Variants in DACH2 observed in about 807,000 individuals in gnomAD.
The protein encoded by DACH2 is dachshund family transcription factor 2.
In DACH2, 17 loss-of-function variants were observed where a neutral mutation model predicts 35.8. The ratio of observed to expected loss-of-function variants is 0.48; its 90% CI spans 0.33 to 0.71. The LOEUF (loss-of-function observed/expected upper bound fraction) is 0.71. Among genes scored for constraint, DACH2 ranks in the 30% least tolerant of loss-of-function variants. DACH2 has a pLI of 0.02. For synonymous variants in DACH2, 195 were observed against 177.3 expected (o/e 1.10, Z -0.79); for missense variants, 469 against 472.7 (o/e 0.99, Z 0.07).
intron 3 of DACH2, among the ~76,000 whole-genome samples, chrX:86,535,549 A>G (rs2038785867): frequency 9.0e-6 from 1 of 110,785 alleles, no homozygotes; most frequent in Non-Finnish European, 1.9e-5. Context: ...TAAAACAGAG[A>G]TCTTAAGACT....
intron 1 of DACH2, among the ~76,000 whole-genome samples, chrX:86,293,961 A>T (rs930871050): frequency 7.2e-5 from 8 of 111,230 alleles, no homozygotes; most frequent in Admixed American, 1.9e-4. Context: ...CTGAATCTGA[A>T]TGTTAGCCTG....
chrX:86,673,114 T>C (rs993055903), intron 4 of DACH2, among the ~76,000 whole-genome samples: 2 of 110,486 alleles, frequency 1.8e-5, no homozygotes, highest in Admixed American at 1.9e-4. Flanking sequence ...GGCGGGTGGA[T>C]CACGAGGTCA....
chrX:86,300,467 G>T (rs1429662386), intron 1 of DACH2, among the ~76,000 whole-genome samples: 2 of 108,165 alleles, frequency 1.8e-5, no homozygotes, highest in Non-Finnish European at 3.8e-5. Flanking sequence ...ACTCATAGGT[G>T]GGAATTGAAC....
intron 2 of DACH2, among the ~76,000 whole-genome samples, chrX:86,380,347 T>A (rs1352371349): frequency 9.0e-6 from 1 of 110,502 alleles, no homozygotes; most frequent in Non-Finnish European, 1.9e-5. Context: ...AAAGCTCATA[T>A]GCTTTGGGCC....
At chrX:86,815,205 C>T (rs2042434994) in intron 10 of DACH2, among the ~76,000 whole-genome samples, 2 of 111,621 alleles carry the variant, frequency 1.8e-5, no homozygotes, top group Admixed American at 9.6e-5. Flanking sequence ...ATTAGCTATA[C>T]AATGCTTGTT....
chrX:86,317,258 A>T (rs972758203), intron 1 of DACH2, among the ~76,000 whole-genome samples: 2 of 111,608 alleles, frequency 1.8e-5, no homozygotes, highest in Non-Finnish European at 3.8e-5. Context: ...TGTTGTTGTA[A>T]GTGGGTGTAT....
intron 3 of DACH2, among the ~76,000 whole-genome samples, chrX:86,549,838 A>G (rs926381575): frequency 9.1e-6 from 1 of 110,067 alleles, no homozygotes; most frequent in Admixed American, 9.7e-5. Flanking sequence ...TAATTTCTAT[A>G]AACAGTTTTT....
chrX:86,752,597 A>T (rs1268784896), intron 7 of DACH2, among the ~76,000 whole-genome samples: 1 of 111,902 alleles, frequency 8.9e-6, no homozygotes, highest in African/African-American at 3.2e-5. Flanking sequence ...ATTACAAATA[A>T]TACAACTAAG....
At chrX:86,680,594 T>C (rs1353936154) in intron 4 of DACH2, among the ~76,000 whole-genome samples, 2 of 110,599 alleles carry the variant, frequency 1.8e-5, no homozygotes, top group Non-Finnish European at 3.8e-5. Context: ...TAAAAGAAAC[T>C]AATGGCCTTT....
At chrX:86,813,804 A>G (rs1231851013) in intron 9 of DACH2, among the ~76,000 whole-genome samples, 1 of 110,572 alleles carries the variant, frequency 9.0e-6, no homozygotes, top group Non-Finnish European at 1.9e-5. Flanking sequence ...ACTAGTAGCT[A>G]TGTTATCTTG....
chrX:86,515,687 G>T (rs2038456731), intron 3 of DACH2, among the ~76,000 whole-genome samples: 1 of 112,279 alleles, frequency 8.9e-6, no homozygotes, highest in South Asian at 3.6e-4. Context: ...GTACTTACAT[G>T]CTCCACACTT....
At chrX:86,238,776 T>C (rs1402367546) in intron 1 of DACH2, among the ~76,000 whole-genome samples, 1 of 111,641 alleles carries the variant, frequency 9.0e-6, no homozygotes, top group Non-Finnish European at 1.9e-5. Context: ...AAAAGCTTTA[T>C]TTTTTTGATA....
At chrX:86,241,473 T>C (rs2033164681) in intron 1 of DACH2, among the ~76,000 whole-genome samples, 1 of 111,916 alleles carries the variant, frequency 8.9e-6, no homozygotes, top group South Asian at 3.7e-4. Context: ...TATGCTGATA[T>C]GAATTTGTAA....
intron 1 of DACH2, among the ~76,000 whole-genome samples, chrX:86,299,793 G>T (rs766968676): frequency 1.8e-5 from 2 of 111,579 alleles, no homozygotes; most frequent in African/African-American, 6.5e-5. Flanking sequence ...TCCCCCTTTG[G>T]CCTCCTCCAT....
chrX:86,369,288 A>G (rs896719979), intron 1 of DACH2, among the ~76,000 whole-genome samples: 1 of 111,372 alleles, frequency 9.0e-6, no homozygotes, highest in African/African-American at 3.2e-5. Flanking sequence ...TTTTAAATAG[A>G]TTTCAAAATA....
chrX:86,368,283 T>C (rs1027926222), intron 1 of DACH2, among the ~76,000 whole-genome samples: 2 of 111,979 alleles, frequency 1.8e-5, no homozygotes, highest in Non-Finnish European at 3.8e-5. Flanking sequence ...ACATTTGTGG[T>C]CATAATTTCT....
At chrX:86,755,213 T>C in intron 7 of DACH2, among the ~76,000 whole-genome samples, 1 of 111,876 alleles carries the variant, frequency 8.9e-6, no homozygotes, top group East Asian at 2.8e-4. Flanking sequence ...TATTTTTACG[T>C]CTTCCTTTGA....
At chrX:86,541,684 T>G (rs1264884258) in intron 3 of DACH2, among the ~76,000 whole-genome samples, 2 of 111,683 alleles carry the variant, frequency 1.8e-5, no homozygotes, top group African/African-American at 6.5e-5. Context: ...AGGAAAAAAG[T>G]AGATAACATT....
intron 1 of DACH2, among the ~76,000 whole-genome samples, chrX:86,172,602 C>T (rs1022289474): frequency 8.9e-6 from 1 of 112,262 alleles, no homozygotes; most frequent in African/African-American, 3.2e-5. Flanking sequence ...TCTAAGTCTT[C>T]TGTTGTGCCT....
Sources: gnomAD v4.1 joint callset for allele counts (sites outside exome capture counted in the v4.1 genomes callset) on GRCh38, gnomAD v4.1.1 for gene constraint, MANE v1.5 for transcripts, NCBI Gene and HGNC (gene_info 2026-07-23, HGNC 2026-07-21) for gene names.